Variants in DNAAF4 observed in about 807,000 individuals in gnomAD.
The protein encoded by DNAAF4 is dynein axonemal assembly factor 4.
DNAAF4 carries 43 observed loss-of-function variants against 51.8 expected under a neutral mutation model. The ratio of observed to expected loss-of-function variants is 0.83; its 90% CI spans 0.65 to 1.07. The LOEUF (loss-of-function observed/expected upper bound fraction) is 1.07, where lower values mean the gene tolerates loss of function less well. DNAAF4 is among the 50% of genes least tolerant of loss of function. The pLI, the probability that DNAAF4 is intolerant of heterozygous loss-of-function variation, is 0.00. For synonymous variants in DNAAF4, 194 were observed against 165.6 expected (o/e 1.17, Z -1.32); for missense variants, 581 against 493.0 (o/e 1.18, Z -1.69).
intron 3 of DNAAF4, among the ~76,000 whole-genome samples, chr15:55,494,627 G>T (rs2058616574): frequency 6.6e-6 from 1 of 151,866 alleles, no homozygotes; most frequent in Non-Finnish European, 1.5e-5. Context: ...GGCCAGGCTG[G>T]TCTCAAACTC....
intron 6 of DNAAF4, chr15:55,442,926 G>T: frequency 6.2e-7 from 1 of 1,611,502 alleles, no homozygotes; most frequent in South Asian, 1.1e-5. Flanking sequence ...GTCCTTCTAG[G>T]TAAGGGACTC....
chr15:55,499,531 C>CTGAAGAG, intron 1 of DNAAF4, among the ~76,000 whole-genome samples: 1 of 152,290 alleles, frequency 6.6e-6, no homozygotes, highest in Admixed American at 6.5e-5. Flanking sequence ...TTGCTTTGCT[C>CTGAAGAG]CAAATTCCTC....
chr15:55,470,060 T>G (rs1342978962), intron 4 of DNAAF4, among the ~76,000 whole-genome samples: 1 of 150,156 alleles, frequency 6.7e-6, no homozygotes, highest in Non-Finnish European at 1.5e-5. Context: ...ACCCCTTTTT[T>G]TTTTTTTCTG....
At chr15:55,436,732 C>T (rs573113579) in intron 7 of DNAAF4, among the ~76,000 whole-genome samples, 1 of 152,192 alleles carries the variant, frequency 6.6e-6, no homozygotes, top group Non-Finnish European at 1.5e-5. Context: ...ATTGGCCAGG[C>T]TTGTCTCAAA....
At chr15:55,442,813 T>C in intron 6 of DNAAF4, 1 of 1,612,600 alleles carries the variant, frequency 6.2e-7, no homozygotes, top group Non-Finnish European at 8.5e-7. Context: ...ACAACTGATG[T>C]TGAGATTGGC....
At chr15:55,499,829 A>G (rs751752542) in intron 1 of DNAAF4, among the ~76,000 whole-genome samples, 3 of 152,216 alleles carry the variant, frequency 2.0e-5, no homozygotes, top group South Asian at 2.1e-4. Flanking sequence ...CTACATATTT[A>G]AGGAATCTGA....
downstream of DNAAF4, among the ~76,000 whole-genome samples, chr15:55,428,304 T>G (rs559761145): frequency 6.6e-6 from 1 of 152,070 alleles, no homozygotes; most frequent in Admixed American, 6.6e-5. Flanking sequence ...CAAAGGCAAT[T>G]CCGTCCCCAG....
chr15:55,432,175 TC>T (rs1438672076), intron 9 of DNAAF4, among the ~76,000 whole-genome samples: 2 of 151,934 alleles, frequency 1.3e-5, no homozygotes, highest in Non-Finnish European at 2.9e-5. Context: ...GGTCTCGAAC[TC>T]CCGACCTCAG....
intron 7 of DNAAF4, chr15:55,418,263 T>G: frequency 6.4e-7 from 1 of 1,554,904 alleles, no homozygotes; most frequent in Non-Finnish European, 8.7e-7. Context: ...GACACAGAAA[T>G]GAAATCTGAA....
chr15:55,507,922 C>G (rs2058735017), intron 1 of DNAAF4, among the ~76,000 whole-genome samples, 200 bp downstream of exon 1: 1 of 152,126 alleles, frequency 6.6e-6, no homozygotes, highest in African/African-American at 2.4e-5. Flanking sequence ...CCCACCACCA[C>G]CAGCAATATT....
chr15:55,459,021 A>G (rs1012870181), intron 5 of DNAAF4, among the ~76,000 whole-genome samples: 6 of 150,906 alleles, frequency 4.0e-5, no homozygotes, highest in African/African-American at 1.5e-4. Context: ...GGTTGCAGTG[A>G]GCCGAGATCA....
chr15:55,498,492 T>G lies in DNAAF4; in HGVS notation c.-163A>C. Reference sequence around the variant, plus strand: ...GCCAGCACCTCGCGGACTCCATGCGTGACTATCCAGGCGCCCAGACCAGAG... The same window carrying G: ...GCCAGCACCTCGCGGACTCCATGCGGGACTATCCAGGCGCCCAGACCAGAG... On this transcript the variant is annotated 5_prime_UTR_variant, in exon 2 of 10. Coordinates refer to ENST00000321149, the MANE Select transcript of DNAAF4 (RefSeq NM_130810.4). The G allele has an allele frequency of 9.7e-7, 1 of 1,028,816 alleles. No individual in the cohort carries two copies. The highest frequency in any genetic ancestry group is 1.7e-5 in the South Asian group (1 of 57,684). 63.7% of individuals were successfully genotyped at this position (1,028,816 alleles called of 1,614,324 possible). A position where few individuals can be genotyped will look rare whatever the true frequency, so the allele number is the denominator to read the frequency against.
intron 5 of DNAAF4, among the ~76,000 whole-genome samples, chr15:55,451,532 C>T (rs1170794837): frequency 6.6e-6 from 1 of 151,976 alleles, no homozygotes; most frequent in Admixed American, 6.6e-5. Context: ...CATTAAGAAA[C>T]CAGGAGTGGG....
intron 7 of DNAAF4, among the ~76,000 whole-genome samples, chr15:55,420,980 G>A (rs962505352): frequency 6.6e-6 from 1 of 151,966 alleles, no homozygotes; most frequent in Non-Finnish European, 1.5e-5. Context: ...CTTGAGGTCA[G>A]CAGGTCGAGA....
chr15:55,488,521 C>T (rs75923475), intron 4 of DNAAF4, among the ~76,000 whole-genome samples: 2,268 of 152,238 alleles, frequency 0.015, 48 homozygotes, highest in African/African-American at 0.049. Flanking sequence ...ACGTTTGCTA[C>T]GGGTACATAG....
chr15:55,469,575 T>C (rs989486475), intron 4 of DNAAF4, among the ~76,000 whole-genome samples: 9 of 134,272 alleles, frequency 6.7e-5, no homozygotes, highest in African/African-American at 2.2e-4. Context: ...CTCCGCCTCC[T>C]GGGTTCATGC....
At chr15:55,493,555 T>C (rs2141592823) in intron 3 of DNAAF4, among the ~76,000 whole-genome samples, 1 of 152,062 alleles carries the variant, frequency 6.6e-6, no homozygotes, top group East Asian at 1.9e-4. Context: ...AAAGAGTGTA[T>C]CAAGAAGGAA....
intron 7 of DNAAF4, chr15:55,418,223 G>T (rs1393609402): frequency 6.4e-7 from 1 of 1,570,782 alleles, no homozygotes; most frequent in Non-Finnish European, 8.6e-7. Context: ...TATCTTTTAG[G>T]ATAAGAAAAG....
intron 1 of DNAAF4, 52 bp from the exon 2 acceptor site, chr15:55,498,636 T>G (rs1595960989): frequency 4.3e-6 from 1 of 230,156 alleles, no homozygotes; most frequent in Non-Finnish European, 8.0e-6. Context: ...TCGGGCGCGC[T>G]AGCTCACGCC....
Sources: gnomAD v4.1 joint callset for allele counts (sites outside exome capture counted in the v4.1 genomes callset) on GRCh38, gnomAD v4.1.1 for gene constraint, MANE v1.5 for transcripts, NCBI Gene and HGNC (gene_info 2026-07-23, HGNC 2026-07-21) for gene names.